Variants in MARCHF1 observed in about 807,000 individuals in gnomAD.
The protein encoded by MARCHF1 is E3 ubiquitin-protein ligase MARCHF1.
In MARCHF1, 40 loss-of-function variants were observed where a neutral mutation model predicts 54.2. That is an observed-to-expected ratio of 0.74 (90% CI 0.57 to 0.96). MARCHF1 has a LOEUF of 0.96. Among genes scored for constraint, MARCHF1 ranks in the 40% least tolerant of loss-of-function variants. The probability of loss-of-function intolerance (pLI) is 0.00; values close to 1 mark genes in which losing one functional copy is unlikely to be tolerated. For missense variants in MARCHF1, 586 were observed against 656.5 expected (o/e 0.89, Z 1.17); for synonymous variants, 236 against 236.3 (o/e 1.00, Z 0.01).
At chr4:163,952,695 CAA>C (rs1752156747) in intron 3 of MARCHF1, among the ~76,000 whole-genome samples, 1 of 152,082 alleles carries the variant, frequency 6.6e-6, no homozygotes, top group African/African-American at 2.4e-5. Flanking sequence ...TGAGAAAGTA[CAA>C]AAGTCAATGG....
chr4:163,723,962 G>T (rs548530441), intron 4 of MARCHF1, among the ~76,000 whole-genome samples: 1 of 152,012 alleles, frequency 6.6e-6, no homozygotes, highest in Non-Finnish European at 1.5e-5. Context: ...CTTTGCCTTG[G>T]GTTCAAACTT....
At chr4:164,066,407 A>G (rs918078242) in intron 2 of MARCHF1, among the ~76,000 whole-genome samples, 15 of 152,214 alleles carry the variant, frequency 9.9e-5, no homozygotes, top group Non-Finnish European at 1.9e-4. Flanking sequence ...GAATGTTTTT[A>G]CACTGTTGGT....
intron 3 of MARCHF1, among the ~76,000 whole-genome samples, chr4:163,909,724 T>A (rs1347682532): frequency 6.6e-6 from 1 of 152,182 alleles, no homozygotes; most frequent in Non-Finnish European, 1.5e-5. Flanking sequence ...AACCTTAATT[T>A]CATATAAAAT....
intron 2 of MARCHF1, among the ~76,000 whole-genome samples, chr4:164,012,034 C>A (rs1278953993): frequency 2.0e-5 from 3 of 152,096 alleles, no homozygotes; most frequent in Non-Finnish European, 4.4e-5. Context: ...CAGCCCTGGG[C>A]CAGAGGGAAA....
chr4:163,953,932 A>G (rs1752183265), intron 3 of MARCHF1, among the ~76,000 whole-genome samples: 1 of 152,142 alleles, frequency 6.6e-6, no homozygotes, highest in South Asian at 2.1e-4. Context: ...GGCCTTTTAC[A>G]GAAAAAGTCC....
chr4:163,788,974 AT>A (rs1288409494), intron 4 of MARCHF1, among the ~76,000 whole-genome samples: 3 of 152,056 alleles, frequency 2.0e-5, no homozygotes, highest in Admixed American at 6.6e-5. Flanking sequence ...TTTTCCAATA[AT>A]TTTAGCATTC....
In MARCHF1 at chr4:163,721,851, T is replaced by C. The variant is rs1161136557; in HGVS notation, c.112-20988A>G. On this transcript the variant is annotated intron_variant, in intron 4 of 9. Coordinates refer to ENST00000514618, the MANE Select transcript of MARCHF1 (RefSeq NM_001394959.1). ...TGTGGTATTCTCTGACGGGAATTTGTATTTCTGTGGGACCGGTGGTGACAT... is the reference window on the plus strand; with the variant it reads ...TGTGGTATTCTCTGACGGGAATTTGCATTTCTGTGGGACCGGTGGTGACAT... Among the ~76,000 whole-genome samples, 4 of 152,150 alleles carry C rather than the reference T, an allele frequency of 2.6e-5. No individual in the cohort carries two copies. The East Asian group carries it at 7.7e-4, about 29-fold the overall frequency.
chr4:163,919,506 TTTTC>T (rs1413188317), intron 3 of MARCHF1, among the ~76,000 whole-genome samples: 1 of 151,986 alleles, frequency 6.6e-6, no homozygotes, highest in African/African-American at 2.4e-5. Context: ...TATGTGTATT[TTTTC>T]TTTCTCTCTA....
At chr4:163,966,622 T>A (rs185612598) in intron 3 of MARCHF1, among the ~76,000 whole-genome samples, 58 of 152,284 alleles carry the variant, frequency 3.8e-4, no homozygotes, top group African/African-American at 1.3e-3. Context: ...ATATTAGGGC[T>A]TTTTCCATAT....
At chr4:163,967,372 G>C (rs921460033) in intron 3 of MARCHF1, among the ~76,000 whole-genome samples, 5 of 152,136 alleles carry the variant, frequency 3.3e-5, no homozygotes, top group Admixed American at 6.5e-5. Context: ...TGATCTCACT[G>C]TGCTGCTGCA....
intron 2 of MARCHF1, among the ~76,000 whole-genome samples, chr4:164,092,124 G>A (rs1755317827): frequency 6.6e-6 from 1 of 152,032 alleles, no homozygotes; most frequent in Non-Finnish European, 1.5e-5. Flanking sequence ...TGCCTACAAG[G>A]ACAAGTAATG....
intron 5 of MARCHF1, among the ~76,000 whole-genome samples, chr4:163,674,930 T>C (rs1042888605): frequency 6.6e-6 from 1 of 152,090 alleles, no homozygotes; most frequent in Non-Finnish European, 1.5e-5. Flanking sequence ...TATTAGTAAT[T>C]TGCAAGATAA....
At chr4:163,903,847 C>T (rs772610946) in intron 3 of MARCHF1, among the ~76,000 whole-genome samples, 4 of 152,082 alleles carry the variant, frequency 2.6e-5, no homozygotes, top group Non-Finnish European at 4.4e-5. Context: ...AACTCCTGAG[C>T]TCAAGTGAGC....
At chr4:164,093,421 A>G (rs1437708109) in intron 2 of MARCHF1, among the ~76,000 whole-genome samples, 2 of 152,186 alleles carry the variant, frequency 1.3e-5, no homozygotes, top group African/African-American at 4.8e-5. Context: ...GAATTTACAC[A>G]TGGACAGAAG....
intron 4 of MARCHF1, among the ~76,000 whole-genome samples, chr4:163,756,464 T>TA (rs536318351): frequency 0.016 from 2,330 of 147,158 alleles, 48 homozygotes; most frequent in African/African-American, 0.055. Flanking sequence ...CTGTCTCTAT[T>TA]AAAAAAAAAA....
chr4:163,540,819 C>G (rs564035444), intron 9 of MARCHF1, among the ~76,000 whole-genome samples: 2 of 152,136 alleles, frequency 1.3e-5, no homozygotes, highest in African/African-American at 4.8e-5. Context: ...CCCAGGTGTT[C>G]AGGACCAGCC....
intron 1 of MARCHF1, chr4:164,189,059 G>A (rs1350290012): frequency 1.6e-5 from 11 of 688,634 alleles, no homozygotes; most frequent in Non-Finnish European, 2.9e-5. Flanking sequence ...CTGGGTGGCA[G>A]AACCTTCAAT....
intron 3 of MARCHF1, among the ~76,000 whole-genome samples, chr4:163,975,404 T>C (rs1752632234): frequency 6.6e-6 from 1 of 152,144 alleles, no homozygotes; most frequent in South Asian, 2.1e-4. Flanking sequence ...AAGATACAAC[T>C]GGAGAGACAA....
intron 3 of MARCHF1, among the ~76,000 whole-genome samples, chr4:163,895,409 G>A (rs1188760887): frequency 1.3e-5 from 2 of 152,192 alleles, no homozygotes; most frequent in South Asian, 2.1e-4. Flanking sequence ...TGGCTGAAAG[G>A]ATGATGTTTG....
Sources: allele counts gnomAD v4.1 joint callset (sites outside exome capture counted in the v4.1 genomes callset), GRCh38; gene constraint gnomAD v4.1.1; transcripts MANE v1.5; gene names NCBI Gene and HGNC (gene_info 2026-07-23, HGNC 2026-07-21).